The following SLC26A5 variants were observed in gnomAD, a reference collection of about 807,000 sequenced individuals.
The protein encoded by SLC26A5 is solute carrier family 26 member 5, also known as prestin.
In SLC26A5, 51 loss-of-function variants were observed where a neutral mutation model predicts 81.0. That is an observed-to-expected ratio of 0.63 (90% CI 0.50 to 0.80). The LOEUF (loss-of-function observed/expected upper bound fraction) is 0.80, where lower values mean the gene tolerates loss of function less well. Among genes scored for constraint, SLC26A5 ranks in the 30% least tolerant of loss-of-function variants. The pLI is 0.00. For synonymous variants in SLC26A5, 325 were observed against 332.8 expected (o/e 0.98, Z 0.25); for missense variants, 771 against 905.8 (o/e 0.85, Z 1.91).
chr7:103,408,950 G>A (rs17142245), intron 7 of SLC26A5, among the ~76,000 whole-genome samples: 2,282 of 152,242 alleles, frequency 0.015, 67 homozygotes, highest in African/African-American at 0.051. Flanking sequence ...AAGGCATTTC[G>A]ACAAGTCTCA....
rs377697160 is a variant in SLC26A5 at position 103,411,525 on chromosome 7, A to G, written c.465T>C (p.Asp155=). ...GGVAVRLVPD[D]IVIPGGVNAT... is the part of the protein sequence containing the mutation. ...CATTTACTCCTCCTGGAATGACTAT[A>G]TCATCTGGTACTAATCGAACAGCTA... Residue 155 remains aspartate (D), a synonymous_variant, in exon 6 of 20, where the codon GAT becomes GAC. Coordinates refer to ENST00000306312, the MANE Select transcript of SLC26A5 (RefSeq NM_198999.3). 21 of 1,614,036 alleles carry G rather than the reference A, an allele frequency of 1.3e-5. No individual in the cohort carries two copies. Among genetic ancestry groups the G allele is most frequent in the Non-Finnish European group, 1.7e-5 (20 of 1,180,038 alleles).
chr7:103,385,354 T>C (rs1822104416), intron 14 of SLC26A5, among the ~76,000 whole-genome samples: 1 of 152,066 alleles, frequency 6.6e-6, no homozygotes, highest in African/African-American at 2.4e-5. Flanking sequence ...CAGGATGGTC[T>C]CGATCTCCTG....
At chr7:103,354,710 A>T (rs1306913267) in intron 19 of SLC26A5, 3 of 587,786 alleles carry the variant, frequency 5.1e-6, no homozygotes, top group Non-Finnish European at 9.0e-6. Flanking sequence ...TGGATTGTGT[A>T]TTTAGGGGGA....
downstream of SLC26A5, among the ~76,000 whole-genome samples, chr7:103,369,896 G>A (rs796284472): frequency 1.2e-4 from 18 of 152,284 alleles, no homozygotes; most frequent in African/African-American, 3.4e-4. Context: ...TATCTGTTAC[G>A]TAAAGTGAAA....
At chr7:103,386,084 C>T (rs774054156) in intron 14 of SLC26A5, among the ~76,000 whole-genome samples, 14 of 151,822 alleles carry the variant, frequency 9.2e-5, no homozygotes, top group Non-Finnish European at 1.3e-4. Flanking sequence ...TGCACCACCA[C>T]ACCCAGCTAT....
At chr7:103,402,287 G>T (rs760950335) in intron 8 of SLC26A5, among the ~76,000 whole-genome samples, 4 of 152,034 alleles carry the variant, frequency 2.6e-5, no homozygotes, top group Non-Finnish European at 5.9e-5. Flanking sequence ...GTTTAGTCTT[G>T]GGAGGGTGTA....
In SLC26A5 at chr7:103,367,702, C is replaced by T. The variant is rs1820786780; in HGVS notation, c.2041+9106G>A. 2 of 1,608,682 alleles carry T rather than the reference C, an allele frequency of 1.2e-6. No homozygotes were observed. Among genetic ancestry groups the T allele is most frequent in the Non-Finnish European group, 1.7e-6 (2 of 1,178,244 alleles). ...TTCCATTTTAATATTTGTCAATTTT[C>T]TCATTTTTAGGGTCGGACCCACATA... On this transcript the variant is annotated intron_variant, in intron 19 of 19. Coordinates refer to the SLC26A5 transcript ENST00000339444. This position sits in a 1 kb window ranked among gnomAD's most constrained non-coding sequence, Gnocchi z 6.1.
chr7:103,376,873 G>T lies in SLC26A5; in HGVS notation c.1987-11C>A. On this transcript the variant is annotated splice_polypyrimidine_tract_variant and intron_variant, in intron 18 of 19. Transcript: ENST00000306312. Reference sequence around the variant, plus strand: ...ATATTCTTTTACAATCTGTAATAATGTTGAAATAAAATTTAGTTTCTCTTT... The same window carrying T: ...ATATTCTTTTACAATCTGTAATAATTTTGAAATAAAATTTAGTTTCTCTTT... The T allele has an allele frequency of 6.4e-7, 1 of 1,573,584 alleles. No homozygotes were observed.
At chr7:103,388,891 C>T in intron 14 of SLC26A5, 117 bp downstream of exon 14, 1 of 741,152 alleles carries the variant, frequency 1.3e-6, no homozygotes, top group Non-Finnish European at 2.4e-6. Flanking sequence ...CCCTCTCACG[C>T]TAACTAGAAA....
chr7:103,372,083 A>C (rs1335802430), downstream of SLC26A5, among the ~76,000 whole-genome samples: 1 of 152,230 alleles, frequency 6.6e-6, no homozygotes, highest in East Asian at 1.9e-4. Flanking sequence ...TTCTAGTGTA[A>C]GCTGAGGTTC....
chr7:103,390,638 A>G, intron 11 of SLC26A5, 132 bp from the exon 12 acceptor site: 1 of 770,484 alleles, frequency 1.3e-6, no homozygotes, highest in Non-Finnish European at 2.4e-6. Flanking sequence ...AGTCAACTAA[A>G]CCACTACATA....
downstream of SLC26A5, among the ~76,000 whole-genome samples, chr7:103,370,210 C>T (rs1466093585): frequency 6.6e-6 from 1 of 152,016 alleles, no homozygotes; most frequent in African/African-American, 2.4e-5. Flanking sequence ...GTAAGGTGCA[C>T]TAAAAAGGAC....
chr7:103,438,662 T>C (rs1172971095), intron 2 of SLC26A5, among the ~76,000 whole-genome samples: 1 of 152,174 alleles, frequency 6.6e-6, no homozygotes, highest in East Asian at 1.9e-4. Flanking sequence ...TATATTGAGA[T>C]TTCATGTACA....
intron 5 of SLC26A5, among the ~76,000 whole-genome samples, chr7:103,412,629 A>G (rs774285167): frequency 1.1e-4 from 16 of 147,720 alleles, no homozygotes; most frequent in Non-Finnish European, 2.2e-4. Context: ...AGCTCACTGC[A>G]ATCTCTGCCT....
intron 14 of SLC26A5, among the ~76,000 whole-genome samples, chr7:103,381,638 A>T (rs1821800243): frequency 6.6e-6 from 1 of 151,566 alleles, no homozygotes; most frequent in Non-Finnish European, 1.5e-5. Flanking sequence ...ACACATGCGT[A>T]CATACCACAT....
intron 19 of SLC26A5, chr7:103,362,119 C>A (rs1178020267): frequency 3.1e-6 from 5 of 1,610,092 alleles, no homozygotes; most frequent in Non-Finnish European, 1.7e-6. Flanking sequence ...AAATACTTTT[C>A]TTTCACTAAG....
At chr7:103,364,291 A>C in intron 19 of SLC26A5, 1 of 1,614,074 alleles carries the variant, frequency 6.2e-7, no homozygotes, top group Non-Finnish European at 8.5e-7. Context: ...GAGCTTGTAC[A>C]GAAATACGTC....
chr7:103,358,081 A>T (rs1182234984), intron 19 of SLC26A5, among the ~76,000 whole-genome samples: 6 of 152,124 alleles, frequency 3.9e-5, no homozygotes, highest in Non-Finnish European at 2.9e-5. Flanking sequence ...AGCTTCTTGG[A>T]AAAGGGTCAG....
Position 103,377,591 on chromosome 7 carries a change from A to C in SLC26A5, c.1986+8T>G. 6.2e-7 allele frequency: 1 copy of C among 1,613,696 alleles called. No individual in the cohort carries two copies. The highest frequency in any genetic ancestry group is 8.5e-7 in the Non-Finnish European group (1 of 1,179,652). On this transcript the variant is annotated splice_region_variant and intron_variant, in intron 18 of 19. Coordinates refer to ENST00000306312, the MANE Select transcript of SLC26A5 (RefSeq NM_198999.3). ...GGTATTAAATGACTCGTTCAAGAGG[A>C]TGCTTACCCCTGCCAGAGTTTTCAC...
Sources: gnomAD v4.1 joint callset for allele counts (sites outside exome capture counted in the v4.1 genomes callset) on GRCh38, gnomAD v4.1.1 for gene constraint, Gnocchi (gnomAD v3.1) non-coding constraint, MANE v1.5 for transcripts, NCBI Gene and HGNC (gene_info 2026-07-23, HGNC 2026-07-21) for gene names.